Variants in KCNJ3 observed in about 807,000 individuals in gnomAD.
The protein encoded by KCNJ3 is G protein-activated inward rectifier potassium channel 1.
In KCNJ3, 4 loss-of-function variants were observed where a neutral mutation model predicts 39.2. That is an observed-to-expected ratio of 0.10 (90% CI 0.05 to 0.23). KCNJ3 has a LOEUF of 0.23. KCNJ3 is among the 10% of genes least tolerant of loss of function. The pLI is 1.00. For synonymous variants in KCNJ3, 230 were observed against 237.4 expected (o/e 0.97, Z 0.29); for missense variants, 276 against 634.9 (o/e 0.43, Z 6.08).
chr2:154,785,358 G>T (rs1054412537), intron 2 of KCNJ3, among the ~76,000 whole-genome samples: 2 of 152,142 alleles, frequency 1.3e-5, no homozygotes, highest in African/African-American at 4.8e-5. Context: ...CCATCTTCTT[G>T]CCTTGTCCTC....
chr2:154,717,802 T>C (rs984616303), intron 2 of KCNJ3, among the ~76,000 whole-genome samples: 2 of 152,204 alleles, frequency 1.3e-5, no homozygotes, highest in Non-Finnish European at 2.9e-5. Flanking sequence ...TCTTAATGAT[T>C]TGACAATGTT....
chr2:154,742,264 A>G (rs772013219), intron 2 of KCNJ3, among the ~76,000 whole-genome samples: 59 of 151,834 alleles, frequency 3.9e-4, no homozygotes, highest in Admixed American at 3.9e-4. Flanking sequence ...TCTATACCAC[A>G]TTTTGCTTGT....
chr2:154,784,923 G>T (rs1286695976), intron 2 of KCNJ3, among the ~76,000 whole-genome samples: 1 of 152,176 alleles, frequency 6.6e-6, no homozygotes, highest in Non-Finnish European at 1.5e-5. Flanking sequence ...AAATGATTTA[G>T]TGTGCAAAGC....
intron 2 of KCNJ3, among the ~76,000 whole-genome samples, chr2:154,741,983 A>G (rs1355947642): frequency 3.3e-5 from 5 of 151,744 alleles, no homozygotes; most frequent in Non-Finnish European, 7.4e-5. Flanking sequence ...CCCTCTCTAT[A>G]ATTCTTTTCA....
At chr2:154,703,295 T>C (rs1426069230) in intron 1 of KCNJ3, among the ~76,000 whole-genome samples, 1 of 152,100 alleles carries the variant, frequency 6.6e-6, no homozygotes, top group Non-Finnish European at 1.5e-5. Context: ...ATTAATTTTC[T>C]GGAAGCATAA....
intron 2 of KCNJ3, among the ~76,000 whole-genome samples, chr2:154,819,126 G>A (rs1189967143): frequency 1.3e-5 from 2 of 151,466 alleles, no homozygotes; most frequent in Non-Finnish European, 2.9e-5. Flanking sequence ...GTGAAACCAT[G>A]TCTTTGAAAA....
chr2:154,775,534 A>T (rs1259411505), intron 2 of KCNJ3, among the ~76,000 whole-genome samples: 1 of 152,224 alleles, frequency 6.6e-6, no homozygotes, highest in African/African-American at 2.4e-5. Context: ...TTTCCTAAAT[A>T]TCACAGACTG....
chr2:154,749,033 T>G (rs1308983941), intron 2 of KCNJ3, among the ~76,000 whole-genome samples: 3 of 152,156 alleles, frequency 2.0e-5, no homozygotes, highest in Non-Finnish European at 2.9e-5. Context: ...CCCATTTAAT[T>G]TTTAAAAGTT....
intron 2 of KCNJ3, among the ~76,000 whole-genome samples, chr2:154,770,372 C>T (rs973754075): frequency 2.6e-5 from 4 of 151,904 alleles, no homozygotes; most frequent in South Asian, 2.1e-4. Context: ...AATTCTGTTC[C>T]GTCGTAGCTC....
intron 2 of KCNJ3, among the ~76,000 whole-genome samples, chr2:154,846,371 T>G (rs1020672623): frequency 2.6e-5 from 4 of 152,214 alleles, no homozygotes; most frequent in Non-Finnish European, 4.4e-5. Context: ...ATTGGAACCT[T>G]AATAATCATG....
intron 2 of KCNJ3, among the ~76,000 whole-genome samples, chr2:154,830,494 T>C (rs1295214720): frequency 6.6e-6 from 1 of 152,162 alleles, no homozygotes; most frequent in East Asian, 1.9e-4. Flanking sequence ...GAAAAAACAA[T>C]TGCATTAAGA....
intron 2 of KCNJ3, among the ~76,000 whole-genome samples, chr2:154,772,778 C>A (rs1686264566): frequency 6.6e-6 from 1 of 151,084 alleles, no homozygotes; most frequent in East Asian, 2.0e-4. Flanking sequence ...TCTTGTAAAC[C>A]TAATTAGAGA....
chr2:154,819,479 A>C (rs553116150), intron 2 of KCNJ3, among the ~76,000 whole-genome samples: 44 of 152,194 alleles, frequency 2.9e-4, no homozygotes, highest in Non-Finnish European at 4.0e-4. Context: ...GTGTTTTTCA[A>C]ATTAATGATA....
Position 154,750,726 on chromosome 2 carries a change from A to G in KCNJ3, c.919+40907A>G, listed in dbSNP as rs909258399. On this transcript the variant is annotated intron_variant, in intron 2 of 2. Transcript: ENST00000295101. ...GATTTGTCCTTGTGGATTTGTGATT[A>G]ACCAGCAACTTTTGCCATTTTGTTT... Among the ~76,000 whole-genome samples, 18 of 152,138 alleles carry G rather than the reference A, an allele frequency of 1.2e-4. No individual in the cohort carries two copies. The East Asian group carries it at 1.9e-3, about 16-fold the overall frequency.
chr2:154,798,198 A>G (rs536196058), intron 2 of KCNJ3, among the ~76,000 whole-genome samples: 1 of 116,360 alleles, frequency 8.6e-6, no homozygotes, highest in Non-Finnish European at 2.0e-5. Context: ...GCACACACAC[A>G]CACACACACA....
chr2:154,724,657 C>T (rs1362842323), intron 2 of KCNJ3, among the ~76,000 whole-genome samples: 1 of 151,662 alleles, frequency 6.6e-6, no homozygotes, highest in Non-Finnish European at 1.5e-5. Context: ...TGGTTTATTG[C>T]CTTTTACCTT....
chr2:154,806,519 T>C (rs1304025621), intron 2 of KCNJ3, among the ~76,000 whole-genome samples: 5 of 152,204 alleles, frequency 3.3e-5, no homozygotes, highest in Non-Finnish European at 7.3e-5. Flanking sequence ...TTTAGTTGCT[T>C]ATGTGACTAG....
At chr2:154,739,748 T>G (rs1026144915) in intron 2 of KCNJ3, among the ~76,000 whole-genome samples, 3 of 151,996 alleles carry the variant, frequency 2.0e-5, no homozygotes, top group Admixed American at 2.0e-4. Flanking sequence ...TCCCTTCAGA[T>G]TACAGAATGA....
chr2:154,806,579 G>A (rs191580437), intron 2 of KCNJ3, among the ~76,000 whole-genome samples: 4 of 152,242 alleles, frequency 2.6e-5, no homozygotes, highest in South Asian at 2.1e-4. Flanking sequence ...GAAGTCTGGC[G>A]TATTCAGCAA....
Sources: allele counts gnomAD v4.1 joint callset (sites outside exome capture counted in the v4.1 genomes callset), GRCh38; gene constraint gnomAD v4.1.1; transcripts MANE v1.5; gene names NCBI Gene and HGNC (gene_info 2026-07-23, HGNC 2026-07-21).